The following NTRK3 variants were observed in gnomAD, a reference collection of about 807,000 sequenced individuals.
The protein encoded by NTRK3 is neurotrophic receptor tyrosine kinase 3.
Under a neutral mutation model 91.7 loss-of-function variants are expected in NTRK3, and 24 were observed. That is an observed-to-expected ratio of 0.26 (90% CI 0.19 to 0.37). The LOEUF (loss-of-function observed/expected upper bound fraction) is 0.37. Ranked by LOEUF, NTRK3 falls within the 10% of genes least tolerant of loss-of-function variation. The pLI is 1.00. For synonymous variants in NTRK3, 483 were observed against 404.0 expected, an observed-to-expected ratio of 1.20 and a Z score of -2.34; for missense variants, 880 against 1,068.9, an observed-to-expected ratio of 0.82 and a Z score of 2.46.
chr15:88,106,095 G>A (rs1216338269), intron 13 of NTRK3, among the ~76,000 whole-genome samples: 7 of 152,316 alleles, frequency 4.6e-5, no homozygotes, highest in South Asian at 4.1e-4. Flanking sequence ...TATTTTCATT[G>A]GTCCATTCCG....
chr15:88,010,294 TTTTC>T (rs1185946335), intron 14 of NTRK3, among the ~76,000 whole-genome samples: 1 of 152,198 alleles, frequency 6.6e-6, no homozygotes, highest in Non-Finnish European at 1.5e-5. Flanking sequence ...TCTGCTTTTC[TTTTC>T]TTTCTCTAAA....
At chr15:87,900,915 T>C (rs940144696) in intron 17 of NTRK3, among the ~76,000 whole-genome samples, 2 of 152,150 alleles carry the variant, frequency 1.3e-5, no homozygotes, top group Non-Finnish European at 2.9e-5. Flanking sequence ...GGGGATGATT[T>C]GGTCAAGTAG....
At chr15:88,156,135 C>T (rs1245481534) in intron 5 of NTRK3, among the ~76,000 whole-genome samples, 1 of 152,172 alleles carries the variant, frequency 6.6e-6, no homozygotes, top group African/African-American at 2.4e-5. Flanking sequence ...ATCCCAGAAT[C>T]CAGCAGTCAC....
intron 5 of NTRK3, among the ~76,000 whole-genome samples, chr15:88,182,894 CCAAA>C (rs921512472): frequency 2.0e-5 from 3 of 152,134 alleles, no homozygotes; most frequent in Non-Finnish European, 4.4e-5. Context: ...CTAGCTTGTC[CCAAA>C]CAAAGCTGTG....
chr15:88,079,907 C>CT (rs1402621022), intron 13 of NTRK3, among the ~76,000 whole-genome samples: 3 of 152,018 alleles, frequency 2.0e-5, no homozygotes, highest in Admixed American at 1.3e-4. Flanking sequence ...CTTTCCAACT[C>CT]TTTTTTTTCT....
chr15:88,007,940 A>T (rs900049060), intron 14 of NTRK3, among the ~76,000 whole-genome samples: 1 of 152,134 alleles, frequency 6.6e-6, no homozygotes, highest in Non-Finnish European at 1.5e-5. Context: ...TTATGACTGT[A>T]GCTTCCTAGA....
intron 3 of NTRK3, among the ~76,000 whole-genome samples, chr15:88,246,662 G>A (rs1013394628): frequency 6.6e-6 from 1 of 152,230 alleles, no homozygotes; most frequent in African/African-American, 2.4e-5. Flanking sequence ...GCTGCTGAGA[G>A]AAGGCTGGAA....
At chr15:88,188,356 T>C (rs530538096) in intron 3 of NTRK3, among the ~76,000 whole-genome samples, 2 of 152,308 alleles carry the variant, frequency 1.3e-5, no homozygotes, top group Admixed American at 6.5e-5. Context: ...CATTTGACAA[T>C]ATCTGGACAC....
chr15:88,206,526 C>T (rs374228302), intron 3 of NTRK3, among the ~76,000 whole-genome samples: 1 of 150,542 alleles, frequency 6.6e-6, no homozygotes, highest in Non-Finnish European at 1.5e-5. Flanking sequence ...GGCGCGGTGG[C>T]GGGCGCCTGT....
At chr15:87,887,510 C>T (rs1276131148) in intron 17 of NTRK3, among the ~76,000 whole-genome samples, 1 of 152,158 alleles carries the variant, frequency 6.6e-6, no homozygotes, top group Admixed American at 6.6e-5. Flanking sequence ...AAAGTATATA[C>T]ACAAAGTACA....
At chr15:88,033,974 C>T (rs1230562434) in intron 13 of NTRK3, among the ~76,000 whole-genome samples, 1 of 152,124 alleles carries the variant, frequency 6.6e-6, no homozygotes, top group East Asian at 1.9e-4. Context: ...TCTGGGGGTG[C>T]AAGCTGGACA....
At chr15:88,218,258 T>C (rs937660514) in intron 3 of NTRK3, among the ~76,000 whole-genome samples, 1 of 152,208 alleles carries the variant, frequency 6.6e-6, no homozygotes, top group Non-Finnish European at 1.5e-5. Context: ...GACATTTCTA[T>C]GCAGCCTCCA....
At chr15:88,090,447 G>A (rs1000348620) in intron 13 of NTRK3, among the ~76,000 whole-genome samples, 3 of 152,168 alleles carry the variant, frequency 2.0e-5, no homozygotes, top group Admixed American at 6.5e-5. Flanking sequence ...CCTAGGCAAC[G>A]TAGATAAGCA....
intron 14 of NTRK3, among the ~76,000 whole-genome samples, chr15:88,025,806 G>A (rs2077986196): frequency 6.6e-6 from 1 of 152,144 alleles, no homozygotes; most frequent in African/African-American, 2.4e-5. Flanking sequence ...TTCACTAAGT[G>A]AGGAAATAAA....
chr15:88,194,812 C>G lies in NTRK3; in HGVS notation c.249-10513G>C, dbSNP rs2047684858. Reference sequence around the variant, plus strand: ...CTTCCTCATGTAACATATGCCATTCCCTCCTCAGCTGAAACCTCCCTCTCT... The same window carrying G: ...CTTCCTCATGTAACATATGCCATTCGCTCCTCAGCTGAAACCTCCCTCTCT... On this transcript the variant is annotated intron_variant, in intron 3 of 18. Coordinates refer to ENST00000394480, the Ensembl canonical transcript of NTRK3. 1.3e-5 allele frequency among the ~76,000 whole-genome samples: 2 copies of G among 152,212 alleles called. 1 individual carries two copies. The highest frequency in any genetic ancestry group is 1.3e-4 in the Admixed American group (2 of 15,288).
intron 5 of NTRK3, among the ~76,000 whole-genome samples, chr15:88,169,857 A>C (rs2045345256): frequency 6.6e-6 from 1 of 152,058 alleles, no homozygotes; most frequent in African/African-American, 2.4e-5. Flanking sequence ...ACCCATCCTT[A>C]GGTTTCAGGT....
intron 5 of NTRK3, among the ~76,000 whole-genome samples, chr15:88,162,552 C>T (rs1361994192): frequency 6.6e-6 from 1 of 152,158 alleles, no homozygotes; most frequent in Non-Finnish European, 1.5e-5. Flanking sequence ...ACTGCAGGAG[C>T]AACAAAACAA....
chr15:87,888,526 T>G (rs567516500), intron 17 of NTRK3, among the ~76,000 whole-genome samples: 1 of 152,270 alleles, frequency 6.6e-6, no homozygotes, highest in East Asian at 1.9e-4. Flanking sequence ...CTCTGTGAAC[T>G]CTGAACCTTC....
chr15:88,034,108 T>G (rs1596852205), intron 13 of NTRK3, among the ~76,000 whole-genome samples: 1 of 152,250 alleles, frequency 6.6e-6, no homozygotes, highest in Non-Finnish European at 1.5e-5. Context: ...GTATCCTCTA[T>G]CTTTTACTGC....
Sources: allele counts gnomAD v4.1 joint callset (sites outside exome capture counted in the v4.1 genomes callset), GRCh38; gene constraint gnomAD v4.1.1; transcripts MANE v1.5; gene names NCBI Gene and HGNC (gene_info 2026-07-23, HGNC 2026-07-21).